The following EIF2B3 variants were observed in gnomAD, a reference collection of about 807,000 sequenced individuals.
EIF2B3 encodes the protein eukaryotic translation initiation factor 2B subunit gamma, also known as translation initiation factor eIF2B subunit gamma.
In EIF2B3, 20 loss-of-function variants were observed where a neutral mutation model predicts 54.1. The observed-to-expected ratio is 0.37, with a 90% CI of 0.26 to 0.54. EIF2B3 has a LOEUF of 0.54. EIF2B3 is among the 20% of genes least tolerant of loss of function. The pLI is 0.86. For missense variants in EIF2B3, 448 were observed against 547.8 expected, an observed-to-expected ratio of 0.82 and a Z score of 1.82; for synonymous variants, 153 against 188.1, an observed-to-expected ratio of 0.81 and a Z score of 1.52.
At chr1:44,855,109 G>C (rs1490919351) in intron 11 of EIF2B3, among the ~76,000 whole-genome samples, 1 of 150,700 alleles carries the variant, frequency 6.6e-6, no homozygotes, top group Non-Finnish European at 1.5e-5. Flanking sequence ...AAAAAAAGAA[G>C]AAGTAATAGT....
chr1:44,903,499 C>G (rs1643353591), intron 5 of EIF2B3, among the ~76,000 whole-genome samples: 1 of 152,184 alleles, frequency 6.6e-6, no homozygotes, highest in Admixed American at 6.5e-5. Flanking sequence ...TGCCTAAGTA[C>G]AGCAGAAGCC....
chr1:44,932,920 A>T (rs1292259158), intron 4 of EIF2B3, among the ~76,000 whole-genome samples: 1 of 152,226 alleles, frequency 6.6e-6, no homozygotes, highest in African/African-American at 2.4e-5. Flanking sequence ...CTTCCAGAGG[A>T]TGTGTCCTAC....
chr1:44,947,557 C>A (rs1022379836), intron 3 of EIF2B3, among the ~76,000 whole-genome samples: 1 of 152,072 alleles, frequency 6.6e-6, no homozygotes, highest in African/African-American at 2.4e-5. Context: ...CTTTTCTTTT[C>A]CTGGCAGCTG....
chr1:44,917,598 T>A (rs368354914), intron 5 of EIF2B3, among the ~76,000 whole-genome samples: 1 of 151,826 alleles, frequency 6.6e-6, no homozygotes, highest in Non-Finnish European at 1.5e-5. Flanking sequence ...ATTGAAGTTA[T>A]ATATGCATAT....
At chr1:44,973,797 G>T (rs1644426590) in intron 3 of EIF2B3, among the ~76,000 whole-genome samples, 1 of 152,208 alleles carries the variant, frequency 6.6e-6, no homozygotes, top group Non-Finnish European at 1.5e-5. Flanking sequence ...AATGGTAGCT[G>T]CCATGGGCTA....
chr1:44,856,020 G>T (rs1654420534), intron 11 of EIF2B3, among the ~76,000 whole-genome samples: 1 of 152,172 alleles, frequency 6.6e-6, no homozygotes, highest in East Asian at 1.9e-4. Context: ...CTACAAAGGA[G>T]AAAACACTTG....
chr1:44,930,079 C>T (rs187410295), intron 4 of EIF2B3, among the ~76,000 whole-genome samples: 5 of 152,270 alleles, frequency 3.3e-5, no homozygotes, highest in East Asian at 1.9e-4. Flanking sequence ...CAAGTATTCA[C>T]GTTTTTTTCC....
intron 6 of EIF2B3, among the ~76,000 whole-genome samples, chr1:44,889,685 C>T (rs766130570): frequency 1.1e-3 from 161 of 152,072 alleles, no homozygotes; most frequent in Non-Finnish European, 5.3e-4. Context: ...CACGCCACCA[C>T]ACCTGGATAA....
At chr1:44,895,591 G>T (rs917979273) in intron 6 of EIF2B3, among the ~76,000 whole-genome samples, 1 of 151,716 alleles carries the variant, frequency 6.6e-6, no homozygotes, top group African/African-American at 2.4e-5. Context: ...TATCCTGGAA[G>T]CGTCCTTATA....
intron 10 of EIF2B3, among the ~76,000 whole-genome samples, chr1:44,864,885 T>C (rs1654719147): frequency 6.6e-6 from 1 of 152,216 alleles, no homozygotes; most frequent in Non-Finnish European, 1.5e-5. Flanking sequence ...CTCTAAATGT[T>C]GTTTCACTGT....
chr1:44,880,758 C>A (rs1278371517), intron 7 of EIF2B3, among the ~76,000 whole-genome samples: 2 of 152,004 alleles, frequency 1.3e-5, no homozygotes, highest in Admixed American at 1.3e-4. Context: ...GTCAGGAGAT[C>A]GATACCATCC....
chr1:44,962,758 C>A (rs184473396), intron 3 of EIF2B3, among the ~76,000 whole-genome samples: 1 of 152,332 alleles, frequency 6.6e-6, no homozygotes, highest in East Asian at 1.9e-4. Context: ...ACTTAAGGAA[C>A]TTATTTTAAA....
intron 3 of EIF2B3, among the ~76,000 whole-genome samples, chr1:44,963,192 G>T (rs1330853774): frequency 6.6e-6 from 1 of 151,476 alleles, no homozygotes; most frequent in Admixed American, 6.6e-5. Context: ...TCCAGCCTGG[G>T]CAAGAGTGAG....
chr1:44,891,364 A>G (rs1333688201), intron 6 of EIF2B3, among the ~76,000 whole-genome samples: 1 of 152,084 alleles, frequency 6.6e-6, no homozygotes, highest in South Asian at 2.1e-4. Context: ...ACCTCCAAGT[A>G]ATCCTTCCTG....
chr1:44,952,259 G>A lies in EIF2B3; in HGVS notation c.295-10594C>T, dbSNP rs1205010139. On this transcript the variant is annotated intron_variant, in intron 3 of 11. Coordinates refer to ENST00000360403, the MANE Select transcript of EIF2B3 (RefSeq NM_020365.5). ...ATTACAGGCGTGAGCCACCGCGCCC[G>A]GCCCTAATTTTTGCATTTTTAGTAG... 4.8e-5 allele frequency among the ~76,000 whole-genome samples: 5 copies of A among 103,700 alleles called. No individual in the cohort carries two copies. In the East Asian group the frequency reaches 8.5e-4, roughly 18 times the overall value. 68.0% of individuals were successfully genotyped at this position (103,700 alleles called of 152,430 possible).
chr1:44,956,163 A>C (rs1294546232), intron 3 of EIF2B3, among the ~76,000 whole-genome samples: 1 of 152,188 alleles, frequency 6.6e-6, no homozygotes, highest in African/African-American at 2.4e-5. Flanking sequence ...GCACTTATAC[A>C]CCATGGAATA....
Position 44,904,002 on chromosome 1 carries a change from G to A in EIF2B3, c.567-6558C>T, listed in dbSNP as rs954397677. Among the ~76,000 whole-genome samples, 5 of 152,102 alleles carry A rather than the reference G, an allele frequency of 3.3e-5. No homozygotes were observed. In the East Asian group the frequency reaches 5.8e-4, roughly 18 times the overall value. On this transcript the variant is annotated intron_variant, in intron 5 of 11. Transcript: ENST00000360403. ...CAAGGCAGGAGAATCGCTTGAACCC[G>A]GGAGGTGGAGGTTGCAATGAGCTGA...
chr1:44,874,688 C>T lies in EIF2B3; in HGVS notation c.1192G>A (p.Val398Met). The T allele has an allele frequency of 6.2e-7, 1 of 1,614,170 alleles. No homozygotes were observed. The highest frequency in any genetic ancestry group is 8.5e-7 in the Non-Finnish European group (1 of 1,180,016). The change falls in exon 10 of 12, where the codon GTG (valine) becomes ATG (methionine). Residue 398 changes from valine (V) to methionine (M), a missense_variant. Physicochemically the swap from Val to Met is conservative, Grantham distance 21 (BLOSUM62 1). Coordinates refer to ENST00000360403, the MANE Select transcript of EIF2B3 (RefSeq NM_020365.5). ...CAGGGGGAAACATACCCTTCCTCCA[C>T]AGTGACTGAGTTCATGAGAAGGCAA... ...TNCLLMNSVT[V>M]EEGSNIQGSV...
intron 3 of EIF2B3, among the ~76,000 whole-genome samples, chr1:44,977,820 A>T (rs942417450): frequency 3.9e-5 from 6 of 152,180 alleles, no homozygotes; most frequent in African/African-American, 1.4e-4. Flanking sequence ...AACATTGGAA[A>T]CCAGTGACTA....
Sources: allele counts gnomAD v4.1 joint callset (sites outside exome capture counted in the v4.1 genomes callset), GRCh38; gene constraint gnomAD v4.1.1; transcripts MANE v1.5; gene names NCBI Gene and HGNC (gene_info 2026-07-23, HGNC 2026-07-21).